The following IARS2 variants were observed in gnomAD, a reference collection of about 807,000 sequenced individuals.
IARS2 encodes isoleucine--tRNA ligase, mitochondrial.
In IARS2, 56 loss-of-function variants were observed where a neutral mutation model predicts 126.3. The ratio of observed to expected loss-of-function variants is 0.44; its 90% confidence interval spans 0.36 to 0.55. The LOEUF is 0.55. IARS2 is among the 20% of genes least tolerant of loss of function. The pLI is 0.00. For synonymous variants in IARS2, 407 were observed against 441.1 expected (o/e 0.92, Z 0.97); for missense variants, 1,127 against 1,245.9 (o/e 0.90, Z 1.44).
intron 15 of IARS2, among the ~76,000 whole-genome samples, chr1:220,136,249 A>C (rs1657372673): frequency 6.6e-6 from 1 of 152,138 alleles, no homozygotes; most frequent in South Asian, 2.1e-4. Context: ...CTCATGCCTC[A>C]GCCTCCCAAG....
chr1:220,114,586 G>T, intron 12 of IARS2, 112 bp downstream of exon 12: 1 of 749,100 alleles, frequency 1.3e-6, no homozygotes, highest in South Asian at 2.0e-5. Flanking sequence ...AATAAAATAT[G>T]CTAAAATAGT....
chr1:220,142,497 C>CA (rs775010355), intron 20 of IARS2, among the ~76,000 whole-genome samples: 48 of 150,974 alleles, frequency 3.2e-4, no homozygotes, highest in Admixed American at 4.0e-4. Context: ...GCAAGACTGT[C>CA]AAAAAAAATG....
intron 12 of IARS2, among the ~76,000 whole-genome samples, chr1:220,115,500 C>T (rs1656896724): frequency 1.3e-5 from 2 of 152,000 alleles, no homozygotes. Context: ...GCAGAGGTTG[C>T]AGTGAGCCAA....
intron 11 of IARS2, among the ~76,000 whole-genome samples, chr1:220,113,157 G>C (rs1558123448): frequency 1.3e-5 from 2 of 152,102 alleles, no homozygotes; most frequent in African/African-American, 2.4e-5. Flanking sequence ...GAGCCACCAT[G>C]CTCGGCCAAA....
chr1:220,135,030 A>G (rs1293483860), intron 15 of IARS2, among the ~76,000 whole-genome samples: 2 of 152,054 alleles, frequency 1.3e-5, no homozygotes, highest in Non-Finnish European at 2.9e-5. Context: ...GGCCTCCCAA[A>G]GTGGTAGGAT....
intron 18 of IARS2, 52 bp downstream of exon 18, chr1:220,139,191 A>G (rs1214543987): frequency 4.6e-6 from 7 of 1,505,398 alleles, no homozygotes; most frequent in Admixed American, 1.9e-5. Flanking sequence ...GCACTATTGT[A>G]GGTTAAAATT....
intron 10 of IARS2, among the ~76,000 whole-genome samples, chr1:220,108,587 A>G (rs2102821565): frequency 6.6e-6 from 1 of 152,036 alleles, no homozygotes; most frequent in Admixed American, 6.5e-5. Flanking sequence ...GGGTTTCACC[A>G]TATTAGCCAG....
Position 220,145,667 on chromosome 1 carries a change from G to C in IARS2, c.2896+14G>C, listed in dbSNP as rs749114096. 6.2e-7 allele frequency: 1 copy of C among 1,601,864 alleles called. No homozygotes were observed. Reference sequence around the variant, plus strand: ...TCAACTTAGAAGGTAAGAAGGAGATGAAAGTAACAAGTAACATCTGGAGAA... The same window carrying C: ...TCAACTTAGAAGGTAAGAAGGAGATCAAAGTAACAAGTAACATCTGGAGAA... On this transcript the variant is annotated intron_variant, in intron 22 of 22. Coordinates refer to ENST00000366922, the MANE Select transcript of IARS2 (RefSeq NM_018060.4).
chr1:220,140,371 C>T (rs892589922), intron 19 of IARS2, 82 bp downstream of exon 19: 53 of 834,372 alleles, frequency 6.4e-5, no homozygotes, highest in Admixed American at 1.6e-4. Context: ...TTTGGGAGGC[C>T]GAGGCGGGTG....
intron 14 of IARS2, among the ~76,000 whole-genome samples, chr1:220,132,637 G>C (rs1657293111): frequency 6.8e-6 from 1 of 148,058 alleles, no homozygotes; most frequent in African/African-American, 2.5e-5. Flanking sequence ...GCAGTTCTCT[G>C]CCTCATTCCT....
chr1:220,141,326 G>A (rs138830117), intron 19 of IARS2, among the ~76,000 whole-genome samples: 399 of 152,260 alleles, frequency 2.6e-3, no homozygotes, highest in African/African-American at 9.1e-3. Context: ...TGTAGAAGAG[G>A]CCTTGATGCC....
At chr1:220,113,173 T>C (rs140397309) in intron 11 of IARS2, among the ~76,000 whole-genome samples, 93 of 152,266 alleles carry the variant, frequency 6.1e-4, no homozygotes, top group African/African-American at 2.0e-3. Flanking sequence ...CCAAACTCTT[T>C]AAAGCATAAT....
chr1:220,144,652 G>A (rs767295670), intron 21 of IARS2, among the ~76,000 whole-genome samples: 1 of 152,136 alleles, frequency 6.6e-6, no homozygotes, highest in Admixed American at 6.5e-5. Context: ...TACATACTGT[G>A]TTTCCTTTGT....
At position 220,139,698 on chromosome 1, in the gene IARS2, C is replaced by T. The variant is rs371148402; in HGVS notation, c.2308-485C>T. On this transcript the variant is annotated intron_variant, in intron 18 of 22. Coordinates refer to ENST00000366922, the MANE Select transcript of IARS2 (RefSeq NM_018060.4). ...CCCATGGTTTTGAGGCTGCAGTGAG[C>T]TGTGATTGTGCCACTGCACTCCAGC... Among the ~76,000 whole-genome samples, 13 of 152,172 alleles carry T rather than the reference C, an allele frequency of 8.5e-5. No homozygotes were observed. The East Asian group carries it at 2.3e-3, about 27-fold the overall frequency.
intron 16 of IARS2, chr1:220,137,549 A>G (rs1657400848): frequency 5.9e-6 from 1 of 170,626 alleles, no homozygotes; most frequent in South Asian, 1.6e-4. Flanking sequence ...TTGTGTACAG[A>G]GTTGCTAGGA....
intron 3 of IARS2, among the ~76,000 whole-genome samples, chr1:220,100,927 C>A (rs968349267): frequency 9.2e-5 from 14 of 152,020 alleles, no homozygotes; most frequent in African/African-American, 3.4e-4. Context: ...TTGGTAAATT[C>A]TTTTTTCTGC....
At chr1:220,112,124 CTT>C (rs1279509771) in intron 11 of IARS2, among the ~76,000 whole-genome samples, 1 of 114,738 alleles carries the variant, frequency 8.7e-6, no homozygotes. Context: ...CGACCACCTA[CTT>C]TTTTTTTTTT....
chr1:220,106,887 C>T (rs1049306769), intron 9 of IARS2, among the ~76,000 whole-genome samples, 174 bp from the exon 10 acceptor site: 3 of 152,150 alleles, frequency 2.0e-5, no homozygotes, highest in Non-Finnish European at 2.9e-5. Flanking sequence ...CCACCTCGAC[C>T]TCCCAAAGTG....
intron 2 of IARS2, among the ~76,000 whole-genome samples, chr1:220,099,407 T>C (rs1454767258): frequency 1.3e-5 from 2 of 152,180 alleles, no homozygotes; most frequent in African/African-American, 4.8e-5. Context: ...TTTTGAGATA[T>C]ATCACATTTT....
Sources: allele counts gnomAD v4.1 joint callset (sites outside exome capture counted in the v4.1 genomes callset), GRCh38; gene constraint gnomAD v4.1.1; transcripts MANE v1.5; gene names NCBI Gene and HGNC (gene_info 2026-07-23, HGNC 2026-07-21).